The following ATG4C variants were observed in gnomAD, a reference collection of about 807,000 sequenced individuals.
ATG4C encodes cysteine protease ATG4C.
In ATG4C, 56 loss-of-function variants were observed where a neutral mutation model predicts 57.6. The observed-to-expected ratio is 0.97, with a 90% CI of 0.78 to 1.21. ATG4C has a LOEUF of 1.21. Ranked by LOEUF, ATG4C falls within the 50% of genes most tolerant of loss-of-function variation. The pLI is 0.00. For missense variants in ATG4C, 595 were observed against 529.8 expected, an observed-to-expected ratio of 1.12 and a Z score of -1.21; for synonymous variants, 157 against 174.1, an observed-to-expected ratio of 0.90 and a Z score of 0.78.
chr1:62,827,266 C>T (rs994616332), intron 6 of ATG4C, among the ~76,000 whole-genome samples: 1 of 152,156 alleles, frequency 6.6e-6, no homozygotes, highest in African/African-American at 2.4e-5. Context: ...TTACTTCCCT[C>T]CAGAAGACTG....
intron 1 of ATG4C, among the ~76,000 whole-genome samples, chr1:62,790,673 A>G (rs1664246914): frequency 6.6e-6 from 1 of 152,256 alleles, no homozygotes; most frequent in Non-Finnish European, 1.5e-5. Context: ...ACTTTGTAAT[A>G]TATAGTTATA....
At chr1:62,845,742 C>G (rs1666308097) in intron 10 of ATG4C, among the ~76,000 whole-genome samples, 1 of 152,040 alleles carries the variant, frequency 6.6e-6, no homozygotes, top group African/African-American at 2.4e-5. Context: ...TGCTCAGTCA[C>G]CCAGTCTGGA....
At chr1:62,838,577 A>G (rs1407886946) in intron 9 of ATG4C, among the ~76,000 whole-genome samples, 4 of 152,104 alleles carry the variant, frequency 2.6e-5, no homozygotes, top group Admixed American at 2.6e-4. Flanking sequence ...CAGGAGTTTG[A>G]GACCAGCCTG....
Position 62,829,114 on chromosome 1 carries a change from A to T in ATG4C, c.871A>T (p.Ile291Phe). The change falls in exon 7 of 11, where the codon ATT becomes TTT. Residue 291 changes from isoleucine (I) to phenylalanine (F), a missense_variant. Physicochemically the swap from Ile to Phe is conservative, Grantham distance 21. Transcript: ENST00000317868. ...TAATGCAGATGACAAAGCTGTTATT[A>T]TTCTAGTTCCTGTTAGACTTGGTGG... ...SDNADDKAVIILVPVRLGGER... is the reference protein window; with the variant it reads ...SDNADDKAVIFLVPVRLGGER... 6.2e-7 allele frequency: 1 copy of T among 1,613,208 alleles called. No homozygotes were observed. The highest frequency in any genetic ancestry group is 8.5e-7 in the Non-Finnish European group (1 of 1,179,404).
intron 3 of ATG4C, among the ~76,000 whole-genome samples, chr1:62,812,285 G>T (rs890346122): frequency 6.6e-6 from 1 of 152,108 alleles, no homozygotes; most frequent in Non-Finnish European, 1.5e-5. Context: ...GATCACGTCG[G>T]CTTCATCCCT....
chr1:62,794,367 A>G (rs955149663), intron 1 of ATG4C, among the ~76,000 whole-genome samples: 7 of 152,194 alleles, frequency 4.6e-5, no homozygotes, highest in Non-Finnish European at 8.8e-5. Context: ...AGAAGAATGC[A>G]TTGGTATTTT....
chr1:62,828,966 T>A (rs755645378), intron 6 of ATG4C, 74 bp from the exon 7 acceptor site: 20 of 1,392,924 alleles, frequency 1.4e-5, no homozygotes, highest in Non-Finnish European at 2.0e-5. Context: ...GGGTGGAGGA[T>A]AAATTTGGGT....
chr1:62,804,151 A>G (rs1022945571), intron 2 of ATG4C, among the ~76,000 whole-genome samples: 4 of 150,962 alleles, frequency 2.6e-5, no homozygotes, highest in African/African-American at 9.8e-5. Context: ...TAGTGGTGCA[A>G]TCTCAGCTCA....
chr1:62,804,467 A>G (rs1003318084), intron 2 of ATG4C, among the ~76,000 whole-genome samples: 10 of 151,496 alleles, frequency 6.6e-5, no homozygotes, highest in African/African-American at 1.2e-4. Flanking sequence ...TTAGCGTTCT[A>G]AAACATATAG....
rs780062732 is a variant in ATG4C, at chr1:62,819,015, G to T, written c.405G>T (p.Trp135Cys). ...ILHFLGRAWT[W>C]PDALNIENSD... ...TTGGAACTACTATAGCTTGGACCTG[G>T]CCTGATGCTTTGAATATTGAAAATT... Residue 135 changes from tryptophan to cysteine, a missense_variant, in exon 5 of 11, where the codon TGG (tryptophan) becomes TGT (cysteine). Coordinates refer to ENST00000317868, the MANE Select transcript of ATG4C (RefSeq NM_032852.4). 6.4e-6 allele frequency: 10 copies of T among 1,561,026 alleles called. No homozygotes were observed. In the South Asian group the frequency reaches 1.2e-4, roughly 20 times the overall value.
At chr1:62,833,955 C>G (rs1665918060) in intron 7 of ATG4C, 83 bp from the exon 8 acceptor site, 5 of 1,181,278 alleles carry the variant, frequency 4.2e-6, no homozygotes, top group Non-Finnish European at 6.1e-6. Context: ...TTGGGAGCTA[C>G]TAATATTAGT....
At chr1:62,795,111 C>A (rs1054007911) in intron 1 of ATG4C, among the ~76,000 whole-genome samples, 1 of 152,120 alleles carries the variant, frequency 6.6e-6, no homozygotes, top group African/African-American at 2.4e-5. Context: ...CAGAGGTCTG[C>A]GGTGTTTTTA....
At chr1:62,838,715 G>A (rs1213342311) in intron 9 of ATG4C, among the ~76,000 whole-genome samples, 1 of 151,952 alleles carries the variant, frequency 6.6e-6, no homozygotes, top group Non-Finnish European at 1.5e-5. Flanking sequence ...GGGAGGCAGA[G>A]GTTGCAGTGA....
At position 62,865,132 on chromosome 1, in the gene ATG4C, A is replaced by C. The variant is rs1666964454; in HGVS notation, c.*973A>C. 1 of 151,968 alleles carries C rather than the reference A, an allele frequency of 6.6e-6. No homozygotes were observed. Among genetic ancestry groups the C allele is most frequent in the Admixed American group, 6.6e-5 (1 of 15,244 alleles). 9.4% of individuals were successfully genotyped at this position (151,968 alleles called of 1,614,324 possible). A position where few individuals can be genotyped will look rare whatever the true frequency, so the allele number is the denominator to read the frequency against. On this transcript the variant is annotated 3_prime_UTR_variant, in exon 11 of 11. Coordinates refer to ENST00000317868, the MANE Select transcript of ATG4C (RefSeq NM_032852.4). ...TTTTTGAGCTAGGATTATAAAATACATAATAAAGATGTGAGAAGATAAAAT... is the reference window on the plus strand; with the variant it reads ...TTTTTGAGCTAGGATTATAAAATACCTAATAAAGATGTGAGAAGATAAAAT...
chr1:62,817,686 C>T (rs1665326889), intron 4 of ATG4C, among the ~76,000 whole-genome samples: 1 of 152,022 alleles, frequency 6.6e-6, no homozygotes, highest in Non-Finnish European at 1.5e-5. Flanking sequence ...CAGTTTTAGA[C>T]CCTAAAAAAT....
chr1:62,792,950 G>A (rs917083092), intron 1 of ATG4C, among the ~76,000 whole-genome samples: 1 of 151,070 alleles, frequency 6.6e-6, no homozygotes, highest in East Asian at 2.0e-4. Flanking sequence ...GCAGTGGCGC[G>A]ATGTCGGCTC....
At chr1:62,838,387 A>G (rs546114994) in intron 9 of ATG4C, among the ~76,000 whole-genome samples, 1 of 152,354 alleles carries the variant, frequency 6.6e-6, no homozygotes, top group Admixed American at 6.5e-5. Flanking sequence ...GCCCTGAATT[A>G]GGAAAATATT....
intron 3 of ATG4C, among the ~76,000 whole-genome samples, chr1:62,814,265 A>G (rs1173785635): frequency 6.6e-6 from 1 of 152,250 alleles, no homozygotes; most frequent in African/African-American, 2.4e-5. Context: ...CTATGCAGCC[A>G]TAACAAATGA....
rs1664315887 is a variant in ATG4C, at chr1:62,792,646, TAC to T, written c.-69+8377_-69+8378del. Among the ~76,000 whole-genome samples the T allele has an allele frequency of 2.0e-5, 3 of 152,312 alleles. No individual in the cohort carries two copies. The South Asian group carries it at 6.2e-4, about 32-fold the overall frequency. On this transcript the variant is annotated intron_variant, in intron 1 of 10. Coordinates refer to ENST00000317868, the MANE Select transcript of ATG4C (RefSeq NM_032852.4). ...GGATGCTCTAGAACAGATATGAAAA[TAC>T]ACAGTTTAAAACATCATCAGGCTTT...
Sources: gnomAD v4.1 joint callset for allele counts (sites outside exome capture counted in the v4.1 genomes callset) on GRCh38, gnomAD v4.1.1 for gene constraint, MANE v1.5 for transcripts, NCBI Gene and HGNC (gene_info 2026-07-23, HGNC 2026-07-21) for gene names.